Variants in ASIC2 observed in about 807,000 individuals in gnomAD.
ASIC2 encodes the protein acid-sensing ion channel 2.
A neutral mutation model predicts 57.3 loss-of-function variants in ASIC2; 25 were observed. The ratio of observed to expected loss-of-function variants is 0.44; its 90% CI spans 0.32 to 0.61. ASIC2 has a LOEUF of 0.61. Among genes scored for constraint, ASIC2 ranks in the 20% least tolerant of loss-of-function variants. The pLI is 0.06. For synonymous variants in ASIC2, 319 were observed against 307.5 expected, an observed-to-expected ratio of 1.04 and a Z score of -0.39; for missense variants, 641 against 738.1, an observed-to-expected ratio of 0.87 and a Z score of 1.52.
rs140796081 is a variant in ASIC2, at chr17:33,199,933, C to T, written c.709-87866G>A. On this transcript the variant is annotated intron_variant, in intron 1 of 9. Coordinates refer to ENST00000225823, the MANE Select transcript of ASIC2 (RefSeq NM_183377.2). Reference sequence around the variant, plus strand: ...CTGAGACCTGTCTCCTGCCTCCTTGCGTTCCCTATCCCCTGGAGCCTCACC... The same window carrying T: ...CTGAGACCTGTCTCCTGCCTCCTTGTGTTCCCTATCCCCTGGAGCCTCACC... Among the ~76,000 whole-genome samples the T allele has an allele frequency of 1.2e-3, 184 of 152,264 alleles. 1 individual carries two copies. In the Middle Eastern group the frequency reaches 0.014, roughly 11 times the overall value.
intron 1 of ASIC2, among the ~76,000 whole-genome samples, chr17:33,244,033 A>G (rs1439681442): frequency 1.3e-5 from 2 of 152,196 alleles, no homozygotes; most frequent in Admixed American, 1.3e-4. Flanking sequence ...CCGCTTCTAT[A>G]TGCTCATGAG....
intron 1 of ASIC2, among the ~76,000 whole-genome samples, chr17:33,965,067 G>A (rs1358198996): frequency 6.6e-6 from 1 of 152,170 alleles, no homozygotes; most frequent in Non-Finnish European, 1.5e-5. Flanking sequence ...AATCCATTTA[G>A]TGGCCAACAT....
At chr17:33,018,351 A>G (rs2091818114) in intron 7 of ASIC2, among the ~76,000 whole-genome samples, 1 of 152,224 alleles carries the variant, frequency 6.6e-6, no homozygotes, top group Non-Finnish European at 1.5e-5. Flanking sequence ...CTAGGCCAAT[A>G]GAATCAGAGC....
At chr17:33,132,987 T>G (rs763092174) in intron 1 of ASIC2, among the ~76,000 whole-genome samples, 1 of 152,188 alleles carries the variant, frequency 6.6e-6, no homozygotes, top group African/African-American at 2.4e-5. Flanking sequence ...CAATAAATGG[T>G]TTCTACCCTC....
intron 1 of ASIC2, among the ~76,000 whole-genome samples, chr17:33,333,580 GTGA>G (rs1406885838): frequency 6.6e-6 from 1 of 152,188 alleles, no homozygotes; most frequent in Admixed American, 6.5e-5. Context: ...TGGTGGTATG[GTGA>G]TGAGCAATTT....
At chr17:33,394,209 C>G (rs1209246979) in intron 1 of ASIC2, among the ~76,000 whole-genome samples, 1 of 152,220 alleles carries the variant, frequency 6.6e-6, no homozygotes, top group Non-Finnish European at 1.5e-5. Context: ...CACTAATCAT[C>G]CCTGGGGGAG....
chr17:33,173,669 C>G (rs1165509172), intron 1 of ASIC2, among the ~76,000 whole-genome samples: 2 of 152,174 alleles, frequency 1.3e-5, no homozygotes, highest in African/African-American at 4.8e-5. Flanking sequence ...CCAGACAGGT[C>G]TGGGTTCTAA....
chr17:33,800,515 T>A (rs1912102681), intron 1 of ASIC2, among the ~76,000 whole-genome samples: 1 of 152,154 alleles, frequency 6.6e-6, no homozygotes. Flanking sequence ...TTTATCCACT[T>A]ACGGAGGAGC....
chr17:33,502,434 C>T (rs1486084828), intron 1 of ASIC2, among the ~76,000 whole-genome samples: 1 of 152,154 alleles, frequency 6.6e-6, no homozygotes. Context: ...TGGGGTTATA[C>T]CCGCATTTGG....
rs76922817 is a variant in ASIC2, at chr17:34,104,903, C to T, written c.555+51075G>A. ...ATGTTAATGAAGAATATTTTCTTCC[C>T]TTTTAATGTCTTTGTCATGGTTTGA... On this transcript the variant is annotated intron_variant, in intron 1 of 9. Transcript: ENST00000359872. 1.8e-3 allele frequency among the ~76,000 whole-genome samples: 274 copies of T among 151,890 alleles called. 4 individuals are homozygous for T. In the East Asian group the frequency reaches 0.045, roughly 25 times the overall value.
intron 1 of ASIC2, among the ~76,000 whole-genome samples, chr17:33,150,849 C>CAAAAAAAA (rs61602373): frequency 7.9e-4 from 15 of 18,886 alleles, no homozygotes; most frequent in Non-Finnish European, 1.1e-3. Context: ...GACTCCGTCT[C>CAAAAAAAA]AAAAAAAAAA....
chr17:33,181,064 C>T (rs1311319614), intron 1 of ASIC2, among the ~76,000 whole-genome samples: 1 of 152,124 alleles, frequency 6.6e-6, no homozygotes, highest in African/African-American at 2.4e-5. Flanking sequence ...TCATAGGATA[C>T]TAGGAGCTGG....
intron 1 of ASIC2, among the ~76,000 whole-genome samples, chr17:33,731,680 G>A (rs1909747412): frequency 6.6e-6 from 1 of 152,216 alleles, no homozygotes. Context: ...CTAACTGAAG[G>A]TCTTCAGATA....
chr17:33,240,227 A>T (rs1286740861), intron 1 of ASIC2, among the ~76,000 whole-genome samples: 4 of 152,188 alleles, frequency 2.6e-5, no homozygotes, highest in Non-Finnish European at 5.9e-5. Flanking sequence ...GGTGGAGCAC[A>T]GATGGCTATC....
At chr17:33,736,204 T>C (rs1316049384) in intron 1 of ASIC2, among the ~76,000 whole-genome samples, 1 of 151,970 alleles carries the variant, frequency 6.6e-6, no homozygotes, top group African/African-American at 2.4e-5. Context: ...CTGGGGAATT[T>C]ATTTTTCCTC....
intron 1 of ASIC2, among the ~76,000 whole-genome samples, chr17:33,722,896 A>G (rs1909431254): frequency 1.3e-5 from 2 of 152,262 alleles, no homozygotes; most frequent in South Asian, 4.1e-4. Flanking sequence ...ATAAACTCCA[A>G]GAATGGTTAA....
intron 1 of ASIC2, among the ~76,000 whole-genome samples, chr17:33,812,268 T>C (rs1025988079): frequency 6.6e-6 from 1 of 152,166 alleles, no homozygotes; most frequent in African/African-American, 2.4e-5. Flanking sequence ...GAGTCAATGG[T>C]CAGCTTTTAA....
intron 1 of ASIC2, among the ~76,000 whole-genome samples, chr17:34,088,984 C>A (rs931275548): frequency 3.3e-5 from 5 of 152,206 alleles, no homozygotes; most frequent in African/African-American, 1.2e-4. Flanking sequence ...ACCCCTTGCG[C>A]TTCCCAAATG....
intron 1 of ASIC2, among the ~76,000 whole-genome samples, chr17:33,404,840 A>G (rs1044543565): frequency 6.6e-6 from 1 of 152,180 alleles, no homozygotes; most frequent in Non-Finnish European, 1.5e-5. Context: ...ATTTCTGGCT[A>G]TTATATTACC....
Sources: gnomAD v4.1 joint callset for allele counts (sites outside exome capture counted in the v4.1 genomes callset) on GRCh38, gnomAD v4.1.1 for gene constraint, MANE v1.5 for transcripts, NCBI Gene and HGNC (gene_info 2026-07-23, HGNC 2026-07-21) for gene names.